Variants in PHLDB2 observed in about 807,000 individuals in gnomAD.
The protein encoded by PHLDB2 is pleckstrin homology-like domain family B member 2.
Under a neutral mutation model 123.6 loss-of-function variants are expected in PHLDB2, and 71 were observed. The ratio of observed to expected loss-of-function variants is 0.57; its 90% confidence interval spans 0.47 to 0.70. The LOEUF (loss-of-function observed/expected upper bound fraction) is 0.70, where lower values mean the gene tolerates loss of function less well. Ranked by LOEUF, PHLDB2 falls within the 30% of genes least tolerant of loss-of-function variation. The pLI is 0.00. For synonymous variants in PHLDB2, 547 were observed against 541.6 expected, an observed-to-expected ratio of 1.01 and a Z score of -0.14; for missense variants, 1,446 against 1,519.5, an observed-to-expected ratio of 0.95 and a Z score of 0.80.
At chr3:111,756,076 A>C (rs1339836571) in intron 1 of PHLDB2, among the ~76,000 whole-genome samples, 1 of 152,058 alleles carries the variant, frequency 6.6e-6, no homozygotes, top group Non-Finnish European at 1.5e-5. Context: ...ACTTCCAACT[A>C]TGTGGTCAAT....
chr3:111,901,507 A>G (rs1353785402), intron 2 of PHLDB2, among the ~76,000 whole-genome samples: 1 of 142,362 alleles, frequency 7.0e-6, no homozygotes, highest in Non-Finnish European at 1.5e-5. Context: ...TGGTTTCTTT[A>G]TGCATTAAAA....
chr3:111,843,680 C>A (rs937656376), intron 1 of PHLDB2, among the ~76,000 whole-genome samples: 1 of 152,154 alleles, frequency 6.6e-6, no homozygotes, highest in Non-Finnish European at 1.5e-5. Context: ...CAGTGAGCCA[C>A]CATGCTTTGC....
Position 111,780,300 on chromosome 3 carries a change from A to G in PHLDB2, c.-49+47597A>G, listed in dbSNP as rs1199702426. Among the ~76,000 whole-genome samples, 3 of 2,578 alleles carry G rather than the reference A, an allele frequency of 1.2e-3. 1 individual carries two copies. Among genetic ancestry groups the G allele is most frequent in the African/African-American group, 1.5e-3 (3 of 1,938 alleles). The allele number at this position is 2,578 out of a possible 152,430, so 1.7% of individuals were successfully genotyped here. On this transcript the variant is annotated intron_variant, in intron 1 of 17. Coordinates refer to the PHLDB2 transcript ENST00000393923. Reference sequence around the variant, plus strand: ...AAGAAGAAGAAGAAGAAGAAGAGGAAGAGGAAGAGGAAGAGGAAGAGGAAG... The same window carrying G: ...AAGAAGAAGAAGAAGAAGAAGAGGAGGAGGAAGAGGAAGAGGAAGAGGAAG...
At chr3:111,838,032 ACT>A (rs956409253) in intron 1 of PHLDB2, among the ~76,000 whole-genome samples, 37 of 127,180 alleles carry the variant, frequency 2.9e-4, no homozygotes, top group African/African-American at 1.1e-3. Context: ...ACAGAGGGAG[ACT>A]CTGTCTCAAA....
chr3:111,864,664 G>T (rs1416334283), intron 1 of PHLDB2, among the ~76,000 whole-genome samples: 2 of 152,172 alleles, frequency 1.3e-5, no homozygotes, highest in African/African-American at 4.8e-5. Context: ...GCTATACAAA[G>T]AAACAGATTA....
chr3:111,791,628 A>G (rs2060931266), intron 1 of PHLDB2, among the ~76,000 whole-genome samples: 1 of 152,206 alleles, frequency 6.6e-6, no homozygotes, highest in Middle Eastern at 3.2e-3. Context: ...TGGTTATAAA[A>G]TGCTATTTTA....
chr3:111,747,970 C>G (rs2059707607), intron 1 of PHLDB2, among the ~76,000 whole-genome samples: 1 of 152,188 alleles, frequency 6.6e-6, no homozygotes, highest in Non-Finnish European at 1.5e-5. Context: ...AGCTTCTGGT[C>G]CTACAGAGCT....
chr3:111,879,800 C>G (rs577530168), intron 1 of PHLDB2, among the ~76,000 whole-genome samples: 12 of 152,276 alleles, frequency 7.9e-5, no homozygotes, highest in Non-Finnish European at 1.6e-4. Context: ...AATCAGAACC[C>G]TTCTGCCAGA....
At chr3:111,961,055 G>A (rs551809796) in intron 12 of PHLDB2, among the ~76,000 whole-genome samples, 12 of 152,316 alleles carry the variant, frequency 7.9e-5, no homozygotes, top group South Asian at 6.2e-4. Context: ...CCTCTTGGCC[G>A]GGCACGGTGG....
rs139342193 is a variant in PHLDB2 at position 111,846,066 on chromosome 3, A to G, written c.67+131A>G. On this transcript the variant is annotated intron_variant, in intron 2 of 17. Coordinates refer to the PHLDB2 transcript ENST00000393923. ...AGCAATCATTGGGGAAGAGAGCCTG[A>G]GGCTGGCAATCCTTGCCCAGAACTT... 2,844 of 943,976 alleles carry G rather than the reference A, an allele frequency of 3.0e-3. 9 individuals are homozygous for G. The highest frequency in any genetic ancestry group is 4.0e-3 in the Non-Finnish European group (2,510 of 627,134). The allele number at this position is 943,976 out of a possible 1,614,324, so 58.5% of individuals were successfully genotyped here.
intron 1 of PHLDB2, among the ~76,000 whole-genome samples, chr3:111,829,407 A>T (rs1304902085): frequency 2.3e-4 from 7 of 29,886 alleles, no homozygotes; most frequent in Non-Finnish European, 8.3e-4. Context: ...CTTTTGTTTA[A>T]AAAAAAAAAA....
chr3:111,816,991 T>C (rs2062107859), intron 1 of PHLDB2, among the ~76,000 whole-genome samples: 1 of 152,218 alleles, frequency 6.6e-6, no homozygotes, highest in Non-Finnish European at 1.5e-5. Flanking sequence ...GCACAAGCTC[T>C]CTTTTTGCCT....
intron 1 of PHLDB2, among the ~76,000 whole-genome samples, chr3:111,739,573 T>TAA (rs1231413646): frequency 1.7e-4 from 2 of 11,712 alleles, no homozygotes; most frequent in Admixed American, 1.8e-3. Flanking sequence ...CTTCTGAAGT[T>TAA]AAAAAAAAAA....
intron 1 of PHLDB2, among the ~76,000 whole-genome samples, chr3:111,873,254 G>A (rs2065432657): frequency 6.6e-6 from 1 of 152,138 alleles, no homozygotes; most frequent in Non-Finnish European, 1.5e-5. Context: ...AATCTGCTTT[G>A]GTAATCATAG....
At chr3:111,750,592 A>G (rs1234561059) in intron 1 of PHLDB2, among the ~76,000 whole-genome samples, 2 of 152,152 alleles carry the variant, frequency 1.3e-5, no homozygotes, top group Admixed American at 1.3e-4. Context: ...ATCATCTTCT[A>G]CCCCAGTGTT....
Position 111,809,685 on chromosome 3 carries a change from T to C in PHLDB2, c.-48-36136T>C, listed in dbSNP as rs1277320143. Among the ~76,000 whole-genome samples the C allele has an allele frequency of 2.6e-5, 4 of 152,220 alleles. No individual in the cohort carries two copies. The East Asian group carries it at 7.7e-4, about 29-fold the overall frequency. On this transcript the variant is annotated intron_variant, in intron 1 of 17. Coordinates refer to the PHLDB2 transcript ENST00000393923. Reference sequence around the variant, plus strand: ...TTACCTATCATCAAGAAGCTCTGATTTGTGGTGGTGCTAAGTTTGGAAGAA... The same window carrying C: ...TTACCTATCATCAAGAAGCTCTGATCTGTGGTGGTGCTAAGTTTGGAAGAA...
At chr3:111,823,402 G>A (rs932065254) in intron 1 of PHLDB2, among the ~76,000 whole-genome samples, 3 of 152,138 alleles carry the variant, frequency 2.0e-5, no homozygotes, top group African/African-American at 2.4e-5. Context: ...GCACCATATC[G>A]TAGTGCTTGA....
At chr3:111,941,945 A>C (rs1158412053) in intron 8 of PHLDB2, among the ~76,000 whole-genome samples, 1 of 152,128 alleles carries the variant, frequency 6.6e-6, no homozygotes, top group Non-Finnish European at 1.5e-5. Context: ...TCTTTTTCCC[A>C]CCTCGAAGTC....
intron 1 of PHLDB2, among the ~76,000 whole-genome samples, chr3:111,870,663 C>G (rs2065292501): frequency 1.3e-5 from 2 of 152,026 alleles, no homozygotes; most frequent in African/African-American, 4.8e-5. Flanking sequence ...TGAAAGCTTC[C>G]CCTCAGGCCC....
Sources: gnomAD v4.1 joint callset for allele counts (sites outside exome capture counted in the v4.1 genomes callset) on GRCh38, gnomAD v4.1.1 for gene constraint, MANE v1.5 for transcripts, NCBI Gene and HGNC (gene_info 2026-07-23, HGNC 2026-07-21) for gene names.